BPIFB4: variants seen among roughly 807,000 people sequenced by gnomAD.
BPIFB4 encodes the protein BPI fold-containing family B member 4.
In BPIFB4, 62 loss-of-function variants were observed where a neutral mutation model predicts 69.2. That is an observed-to-expected ratio of 0.90 (90% CI 0.73 to 1.11). The LOEUF is 1.11. Among genes scored for constraint, BPIFB4 ranks in the 50% least tolerant of loss-of-function variants. The pLI is 0.00. For missense variants in BPIFB4, 789 were observed against 792.0 expected (o/e 1.00, Z 0.04); for synonymous variants, 330 against 332.7 (o/e 0.99, Z 0.09).
intron 16 of BPIFB4, among the ~76,000 whole-genome samples, chr20:33,107,480 A>C (rs575753940): frequency 2.6e-5 from 4 of 152,186 alleles, no homozygotes; most frequent in Non-Finnish European, 4.4e-5. Flanking sequence ...AACAAACAAA[A>C]AAAGCAAAAA....
chr20:33,108,322 A>G (rs1982128844), intron 17 of BPIFB4, among the ~76,000 whole-genome samples: 2 of 151,802 alleles, frequency 1.3e-5, no homozygotes, highest in Non-Finnish European at 2.9e-5. Flanking sequence ...GTTCACATGC[A>G]GGGGTTCTTG....
intron 12 of BPIFB4, among the ~76,000 whole-genome samples, chr20:33,095,507 A>C (rs1468177528): frequency 6.6e-6 from 1 of 152,158 alleles, no homozygotes; most frequent in Non-Finnish European, 1.5e-5. Context: ...CCTATTCCAT[A>C]GGTTATCATA....
rs769504029 is a variant in BPIFB4, at chr20:33,090,762, C to T, written c.1106C>T (p.Pro369Leu). The T allele has an allele frequency of 1.7e-5, 27 of 1,614,050 alleles. No individual in the cohort carries two copies. The highest frequency in any genetic ancestry group is 6.7e-5 in the African/African-American group (5 of 74,918). The change falls in exon 10 of 18, where the codon CCG (proline) becomes CTG (leucine). Residue 369 changes from proline (P) to leucine (L), a missense_variant. Around this residue, in one of 3 missense-constraint regions of BPIFB4, gnomAD observed 611 missense variants for 575.4 expected, o/e 1.06. Transcript: ENST00000375483. Reference protein sequence around the residue: ...GSVQYTFSSLPLVTGEFLELD... With the variant: ...GSVQYTFSSLLLVTGEFLELD... ...GTCCAGTACACCTTCTCCAGCCTCCCGCTTGTGACCGGGGAATTCCTGGAG... is the reference window on the plus strand; with the variant it reads ...GTCCAGTACACCTTCTCCAGCCTCCTGCTTGTGACCGGGGAATTCCTGGAG...
chr20:33,083,806 T>G lies in BPIFB4; in HGVS notation c.609T>G (p.Leu203=). ...GTCTCCTTGGTGATGGAGGACTTCTTGGAGGAGGGGGTGTCCTGGGCGTGC... is the reference window on the plus strand; with the variant it reads ...GTCTCCTTGGTGATGGAGGACTTCTGGGAGGAGGGGGTGTCCTGGGCGTGC... The part of the protein sequence containing the change: ...GGGLLGDGGL[L]GGGGVLGVLG... The change falls in exon 5 of 18, where the codon CTT becomes CTG. Residue 203 remains leucine, a synonymous_variant. Transcript: ENST00000375483. 3 of 1,613,530 alleles carry G rather than the reference T, an allele frequency of 1.9e-6. No individual in the cohort carries two copies. Among genetic ancestry groups the G allele is most frequent in the Non-Finnish European group, 2.5e-6 (3 of 1,179,708 alleles).
intron 10 of BPIFB4, among the ~76,000 whole-genome samples, chr20:33,091,521 T>C (rs1054422929): frequency 4.6e-5 from 7 of 152,262 alleles, no homozygotes; most frequent in African/African-American, 1.7e-4. Context: ...CCACACTTGC[T>C]CCAGCAGATA....
intron 13 of BPIFB4, 92 bp from the exon 14 acceptor site, chr20:33,100,334 C>T: frequency 9.1e-7 from 1 of 1,104,008 alleles, no homozygotes; most frequent in Non-Finnish European, 1.3e-6. Context: ...GTTAACGAAG[C>T]CCTAGCTAGC....
rs80093691 is a variant in BPIFB4 at position 33,083,888 on chromosome 20, G to A, written c.677+14G>A. The A allele has an allele frequency of 0.01, 15,999 of 1,586,120 alleles. 184 individuals carry two copies. Among genetic ancestry groups the A allele is most frequent in the African/African-American group, 0.054 (4,013 of 73,842 alleles). ...AGGCATCACGGGGTAAGGAGGGGAC[G>A]GGTTCTCCCCAGAAAGCCCCCATAC... On this transcript the variant is annotated intron_variant, in intron 5 of 17. Transcript: ENST00000375483.
chr20:33,092,235 C>T (rs1333370985), intron 10 of BPIFB4, among the ~76,000 whole-genome samples: 1 of 152,170 alleles, frequency 6.6e-6, no homozygotes. Flanking sequence ...TCTGTCATAC[C>T]ATGGCTGTAA....
At chr20:33,101,328 A>G (rs907919017) in intron 14 of BPIFB4, among the ~76,000 whole-genome samples, 3 of 152,166 alleles carry the variant, frequency 2.0e-5, no homozygotes, top group African/African-American at 7.2e-5. Context: ...GGGTACAATC[A>G]TGCGCTTTGG....
At chr20:33,111,061 C>G (rs1354160362) in intron 17 of BPIFB4, among the ~76,000 whole-genome samples, 1 of 152,032 alleles carries the variant, frequency 6.6e-6, no homozygotes, top group East Asian at 1.9e-4. Flanking sequence ...GGTGATCCAC[C>G]TGCCTCAGCC....
chr20:33,085,983 G>A (rs1402896034), intron 6 of BPIFB4, 38 bp from the exon 7 acceptor site: 1 of 1,583,886 alleles, frequency 6.3e-7, no homozygotes, highest in South Asian at 1.1e-5. Flanking sequence ...GCGGCTGGGG[G>A]TGACTCATGG....
At chr20:33,108,436 T>TATATATATATACACACAC (rs1271417747) in intron 17 of BPIFB4, among the ~76,000 whole-genome samples, 146 of 148,562 alleles carry the variant, frequency 9.8e-4, no homozygotes, top group African/African-American at 3.5e-3. Flanking sequence ...TATATATATA[T>TATATATATATACACACAC]AGACATATAT....
chr20:33,094,134 G>C (rs1489796659), intron 11 of BPIFB4, among the ~76,000 whole-genome samples: 2 of 152,232 alleles, frequency 1.3e-5, no homozygotes, highest in Non-Finnish European at 2.9e-5. Context: ...TCTCCACTTG[G>C]TGTCCGTATA....
rs529220659 is a variant in BPIFB4 at position 33,099,219 on chromosome 20, A to G, written c.1570-1207A>G. On this transcript the variant is annotated intron_variant, in intron 13 of 17. Coordinates refer to ENST00000375483, the MANE Select transcript of BPIFB4 (RefSeq NM_182519.3). ...TTCCTGCTAGTCCCTCCTACTCCCA[A>G]AGCTTGAGACCAAATAAGCCACTTC... Among the ~76,000 whole-genome samples, 3 of 152,028 alleles carry G rather than the reference A, an allele frequency of 2.0e-5. No homozygotes were observed. The South Asian group carries it at 6.2e-4, about 32-fold the overall frequency.
At chr20:33,084,524 T>A (rs888574676) in intron 5 of BPIFB4, among the ~76,000 whole-genome samples, 1 of 152,106 alleles carries the variant, frequency 6.6e-6, no homozygotes, top group African/African-American at 2.4e-5. Flanking sequence ...AAGAGGACCT[T>A]AAGTTGAAAT....
In BPIFB4 at chr20:33,100,471, A is replaced by G. The variant is rs1331482993; in HGVS notation, c.1615A>G (p.Met539Val). 6.2e-7 allele frequency: 1 copy of G among 1,607,668 alleles called. No homozygotes were observed. The highest frequency in any genetic ancestry group is 2.2e-5 in the East Asian group (1 of 44,870). ...ASFSTEGDKL[M>V]IDAKLEKTSL... ...ATTTTCCACAGAAGGAGATAAGCTC[A>G]TGATTGATGCCAAGCTGGAGAAGTA... Residue 539 changes from methionine (M) to valine (V), a missense_variant, in exon 14 of 18, where the codon ATG (methionine) becomes GTG (valine). Met to Val is a conservative substitution (Grantham distance 21). Transcript: ENST00000375483.
At chr20:33,092,259 T>C (rs535695222) in intron 10 of BPIFB4, among the ~76,000 whole-genome samples, 199 bp from the exon 11 acceptor site, 1 of 152,170 alleles carries the variant, frequency 6.6e-6, no homozygotes, top group African/African-American at 2.4e-5. Flanking sequence ...TAAGTGACCA[T>C]GAAGCAGGAA....
At position 33,083,411 on chromosome 20, in the gene BPIFB4, C is replaced by T. The variant is rs778887000; in HGVS notation, c.214C>T (p.Pro72Ser). 5.0e-6 allele frequency: 8 copies of T among 1,613,482 alleles called. No individual in the cohort carries two copies. Among genetic ancestry groups the T allele is most frequent in the Admixed American group, 1.7e-5 (1 of 59,966 alleles). Residue 72 changes from proline (P) to serine (S), a missense_variant, in exon 5 of 18, where the codon CCC (proline) becomes TCC (serine). Pro to Ser is a moderately conservative substitution (Grantham distance 74). Coordinates refer to ENST00000375483, the MANE Select transcript of BPIFB4 (RefSeq NM_182519.3). Reference protein sequence around the residue: ...PYNDFHVRGPPPVYTNGKKLD... With the variant: ...PYNDFHVRGPSPVYTNGKKLD... The stretch of plus-strand genomic sequence containing the variant: ...CAATGACTTCCATGTCCGAGGACCC[C>T]CCCCAGTATATACCAACGGCAAAAA...
chr20:33,095,938 C>T (rs1330814358), intron 12 of BPIFB4, among the ~76,000 whole-genome samples: 1 of 152,128 alleles, frequency 6.6e-6, no homozygotes, highest in African/African-American at 2.4e-5. Context: ...TTACCTTGCA[C>T]CTGGAAGCAA....
Sources: allele counts gnomAD v4.1 joint callset (sites outside exome capture counted in the v4.1 genomes callset), GRCh38; gene constraint gnomAD v4.1.1; regional missense constraint gnomAD v4.1.1; transcripts MANE v1.5; gene names NCBI Gene and HGNC (gene_info 2026-07-23, HGNC 2026-07-21).